RIT2: variants seen among roughly 807,000 people sequenced by gnomAD.
RIT2 encodes the protein GTP-binding protein Rit2.
RIT2 carries 24 observed loss-of-function variants against 23.7 expected under a neutral mutation model. That is an observed-to-expected ratio of 1.01 (90% CI 0.73 to 1.43). RIT2 has a LOEUF of 1.43. RIT2 is among the 40% of genes most tolerant of loss of function. The probability of loss-of-function intolerance (pLI) is 0.00; values close to 1 mark genes in which losing one functional copy is unlikely to be tolerated. For synonymous variants in RIT2, 107 were observed against 91.1 expected (o/e 1.17, Z -0.99); for missense variants, 236 against 266.9 (o/e 0.88, Z 0.81).
At chr18:42,773,804 A>G (rs1567992861) in intron 4 of RIT2, among the ~76,000 whole-genome samples, 1 of 152,208 alleles carries the variant, frequency 6.6e-6, no homozygotes, top group Non-Finnish European at 1.5e-5. Flanking sequence ...GATCAGAGAG[A>G]TGACAGAAGA....
intron 1 of RIT2, among the ~76,000 whole-genome samples, chr18:43,054,488 G>T (rs1367730141): frequency 1.3e-5 from 2 of 152,018 alleles, no homozygotes; most frequent in Non-Finnish European, 2.9e-5. Context: ...AATATTAATT[G>T]AAGCATAATT....
Position 42,923,627 on chromosome 18 carries a change from T to C in RIT2, c.371A>G (p.Tyr124Cys), listed in dbSNP as rs774524808. ...KELIFQVRHT[Y>C]EIPLVLVGNK... Reference sequence around the variant, plus strand: ...ACCCACCAGCACCAGGGGAATTTCATAGGTGTGGCGGACCTGAAAAATGAG... The same window carrying C: ...ACCCACCAGCACCAGGGGAATTTCACAGGTGTGGCGGACCTGAAAAATGAG... The change falls in exon 4 of 5, where the codon TAT (tyrosine) becomes TGT (cysteine). Residue 124 changes from tyrosine to cysteine, a missense_variant. Tyr to Cys is a radical substitution (Grantham distance 194). Coordinates refer to ENST00000326695, the MANE Select transcript of RIT2 (RefSeq NM_002930.4). 28 of 1,613,410 alleles carry C rather than the reference T, an allele frequency of 1.7e-5. No homozygotes were observed. The highest frequency in any genetic ancestry group is 4.0e-5 in the African/African-American group (3 of 74,846).
intron 4 of RIT2, among the ~76,000 whole-genome samples, chr18:42,750,291 T>C (rs1203858280): frequency 6.6e-6 from 1 of 151,828 alleles, no homozygotes; most frequent in Admixed American, 6.6e-5. Context: ...GGAGTCAGTA[T>C]AGTGTTTCTT....
At chr18:42,879,364 A>C (rs1168486414) in intron 4 of RIT2, among the ~76,000 whole-genome samples, 1 of 152,210 alleles carries the variant, frequency 6.6e-6, no homozygotes, top group Non-Finnish European at 1.5e-5. Flanking sequence ...ATTCTGAAAT[A>C]TCAGTATTAT....
chr18:42,789,487 TG>T (rs1464821798), intron 4 of RIT2, among the ~76,000 whole-genome samples: 1 of 152,246 alleles, frequency 6.6e-6, no homozygotes, highest in Non-Finnish European at 1.5e-5. Context: ...TTCATTTGTT[TG>T]TGTTATCTAC....
intron 1 of RIT2, among the ~76,000 whole-genome samples, chr18:43,065,169 T>C (rs1267375242): frequency 6.6e-6 from 1 of 151,434 alleles, no homozygotes; most frequent in African/African-American, 2.4e-5. Flanking sequence ...CAGGTTTTAC[T>C]GGATTTCCAC....
At chr18:43,100,831 T>G (rs1247838045) in intron 1 of RIT2, among the ~76,000 whole-genome samples, 13 of 151,838 alleles carry the variant, frequency 8.6e-5, no homozygotes. Context: ...GTGGTTTAGT[T>G]TTGGGGAATT....
At chr18:43,065,999 C>T (rs1912763258) in intron 1 of RIT2, among the ~76,000 whole-genome samples, 1 of 152,070 alleles carries the variant, frequency 6.6e-6, no homozygotes, top group Non-Finnish European at 1.5e-5. Flanking sequence ...AATTTTATGA[C>T]AACAAATTTT....
chr18:42,929,619 G>A (rs1259044958), intron 3 of RIT2, among the ~76,000 whole-genome samples: 1 of 152,136 alleles, frequency 6.6e-6, no homozygotes. Flanking sequence ...AGGAATAGCT[G>A]CATAATTTGT....
chr18:43,105,489 G>GAGGAAGGGAGGAAGA (rs1913794924), intron 1 of RIT2, among the ~76,000 whole-genome samples: 1 of 79,892 alleles, frequency 1.3e-5, no homozygotes, highest in Non-Finnish European at 2.7e-5. Context: ...AGGGAGGAAG[G>GAGGAAGGGAGGAAGA]GAGGAAGAAA....
chr18:42,811,928 C>T (rs770854838), intron 4 of RIT2, among the ~76,000 whole-genome samples: 2 of 152,008 alleles, frequency 1.3e-5, no homozygotes, highest in Admixed American at 6.6e-5. Context: ...TAAATATGAG[C>T]TACTTATGTA....
chr18:42,890,214 T>C (rs190786612), intron 4 of RIT2, among the ~76,000 whole-genome samples: 12 of 152,134 alleles, frequency 7.9e-5, no homozygotes, highest in Admixed American at 5.9e-4. Context: ...TTCTATATTC[T>C]TTATGGAGGA....
chr18:42,895,367 T>C (rs1385583927), intron 4 of RIT2, among the ~76,000 whole-genome samples: 1 of 152,236 alleles, frequency 6.6e-6, no homozygotes, highest in Non-Finnish European at 1.5e-5. Context: ...TTTAGATTCA[T>C]GGTAATAGAC....
chr18:42,796,417 G>A (rs1168425321), intron 4 of RIT2, among the ~76,000 whole-genome samples: 1 of 152,158 alleles, frequency 6.6e-6, no homozygotes, highest in Non-Finnish European at 1.5e-5. Context: ...CTCACCGCGA[G>A]GGTCCGCGGC....
At chr18:42,853,373 A>T (rs1907106017) in intron 4 of RIT2, among the ~76,000 whole-genome samples, 1 of 152,248 alleles carries the variant, frequency 6.6e-6, no homozygotes, top group Non-Finnish European at 1.5e-5. Context: ...AATCCCATCC[A>T]GGTCATTGGC....
intron 1 of RIT2, among the ~76,000 whole-genome samples, chr18:43,064,509 G>C (rs1912725433): frequency 6.6e-6 from 1 of 152,078 alleles, no homozygotes; most frequent in Non-Finnish European, 1.5e-5. Context: ...TGCAATTTCA[G>C]ACAGAATAAA....
chr18:42,885,178 C>T (rs1297225485), intron 4 of RIT2, among the ~76,000 whole-genome samples: 1 of 152,210 alleles, frequency 6.6e-6, no homozygotes, highest in African/African-American at 2.4e-5. Flanking sequence ...AAATAGACAA[C>T]TAAAGAGCTT....
intron 1 of RIT2, among the ~76,000 whole-genome samples, chr18:43,053,706 G>A (rs1372088320): frequency 1.3e-5 from 2 of 151,810 alleles, no homozygotes; most frequent in Non-Finnish European, 2.9e-5. Flanking sequence ...TTTAAAAGAT[G>A]GTGAAGAAAA....
At chr18:43,113,198 G>A (rs1913993211) in intron 1 of RIT2, among the ~76,000 whole-genome samples, 1 of 152,142 alleles carries the variant, frequency 6.6e-6, no homozygotes, top group South Asian at 2.1e-4. Flanking sequence ...AAGAACATCA[G>A]GTAAGTCACA....
Sources: gnomAD v4.1 joint callset for allele counts (sites outside exome capture counted in the v4.1 genomes callset) on GRCh38, gnomAD v4.1.1 for gene constraint, MANE v1.5 for transcripts, NCBI Gene and HGNC (gene_info 2026-07-23, HGNC 2026-07-21) for gene names.